RHBDD1: variants seen among roughly 807,000 people sequenced by gnomAD.
RHBDD1 encodes the protein rhomboid-related protein 4.
RHBDD1 carries 38 observed loss-of-function variants against 36.3 expected under a neutral mutation model. The ratio of observed to expected loss-of-function variants is 1.05; its 90% CI spans 0.81 to 1.37. The LOEUF is 1.37. Among genes scored for constraint, RHBDD1 ranks in the 40% most tolerant of loss-of-function variants. The pLI is 0.00. For synonymous variants in RHBDD1, 151 were observed against 136.5 expected (o/e 1.11, Z -0.74); for missense variants, 393 against 377.6 (o/e 1.04, Z -0.34).
At chr2:226,965,346 T>C (rs1952540094) in intron 8 of RHBDD1, among the ~76,000 whole-genome samples, 1 of 152,208 alleles carries the variant, frequency 6.6e-6, no homozygotes, top group South Asian at 2.1e-4. Context: ...GACTTCTGGC[T>C]TCCCAAATTG....
chr2:226,852,901 T>TTTATTATTATTA lies in RHBDD1; in HGVS notation c.-90-11667_-90-11656dup, dbSNP rs34006366. On this transcript the variant is annotated intron_variant, in intron 3 of 8. Transcript: ENST00000392062. The stretch of plus-strand genomic sequence containing the variant: ...GGTGTGTGCCACTGCACCTGGCTAA[T>TTTATTATTATTA]TTATTATTATTATTATTATTATTAT... Among the ~76,000 whole-genome samples the TTTATTATTATTA allele has an allele frequency of 5.1e-3, 644 of 125,176 alleles. 2 individuals carry two copies. The highest frequency in any genetic ancestry group is 7.4e-3 in the South Asian group (29 of 3,938). 82.1% of individuals were successfully genotyped at this position (125,176 alleles called of 152,430 possible).
rs146618398 is a variant in RHBDD1 at position 226,855,348 on chromosome 2, A to G, written c.-90-9256A>G. The stretch of plus-strand genomic sequence containing the variant: ...CACAGCAAGACCCCATCTCTACAAA[A>G]AATAAAAAACTAGCTGGGTGTGGTG... On this transcript the variant is annotated intron_variant, in intron 3 of 8. Transcript: ENST00000392062. Among the ~76,000 whole-genome samples, 309 of 152,322 alleles carry G rather than the reference A, an allele frequency of 2.0e-3. 3 individuals carry two copies. Among genetic ancestry groups the G allele is most frequent in the Middle Eastern group, 0.014 (4 of 294 alleles).
intron 8 of RHBDD1, among the ~76,000 whole-genome samples, chr2:226,916,551 TAAAGTC>T (rs761271231): frequency 1.1e-3 from 168 of 152,256 alleles, no homozygotes; most frequent in Non-Finnish European, 1.4e-3. Flanking sequence ...TGACTTCAAA[TAAAGTC>T]AAAAGAGCCA....
At chr2:226,966,658 G>T (rs1952654190) in intron 8 of RHBDD1, among the ~76,000 whole-genome samples, 1 of 152,134 alleles carries the variant, frequency 6.6e-6, no homozygotes, top group South Asian at 2.1e-4. Flanking sequence ...ATGTGTGCCT[G>T]GTGGCCATTG....
chr2:226,975,674 G>A (rs1341599488), intron 8 of RHBDD1, among the ~76,000 whole-genome samples: 1 of 152,142 alleles, frequency 6.6e-6, no homozygotes, highest in African/African-American at 2.4e-5. Flanking sequence ...CATGCAGAAG[G>A]AACTCATTAA....
intron 5 of RHBDD1, among the ~76,000 whole-genome samples, chr2:226,888,892 A>G (rs1177672014): frequency 1.3e-5 from 2 of 152,224 alleles, no homozygotes; most frequent in Non-Finnish European, 2.9e-5. Flanking sequence ...GGAATTAAAC[A>G]ACTTCCATGG....
intron 5 of RHBDD1, among the ~76,000 whole-genome samples, chr2:226,874,148 C>G (rs1945024501): frequency 6.6e-6 from 1 of 152,078 alleles, no homozygotes. Context: ...CCAGGACCCC[C>G]CTTGACACAT....
intron 5 of RHBDD1, among the ~76,000 whole-genome samples, chr2:226,905,920 G>A (rs1328145808): frequency 2.0e-5 from 3 of 152,014 alleles, no homozygotes; most frequent in African/African-American, 7.3e-5. Flanking sequence ...AGAGGGTGGC[G>A]GGCAGCTGGA....
intron 4 of RHBDD1, among the ~76,000 whole-genome samples, chr2:226,866,679 A>G (rs1379452812): frequency 6.6e-6 from 1 of 152,230 alleles, no homozygotes; most frequent in Non-Finnish European, 1.5e-5. Context: ...GGAGAGAGGT[A>G]GTCCTGAAAC....
intron 1 of RHBDD1, among the ~76,000 whole-genome samples, chr2:226,837,343 G>C (rs551767916): frequency 4.4e-4 from 67 of 152,308 alleles, no homozygotes; most frequent in African/African-American, 1.5e-3. Flanking sequence ...TGTAGCGCAT[G>C]GATATTGGGA....
chr2:226,809,265 T>C, the RHBDD1 span, among the ~76,000 whole-genome samples: 1 of 152,216 alleles, frequency 6.6e-6, no homozygotes, highest in East Asian at 1.9e-4. Flanking sequence ...AGTGAACAAC[T>C]GAGTCAATTG....
chr2:226,844,802 T>C (rs1486945309), intron 3 of RHBDD1, among the ~76,000 whole-genome samples: 1 of 152,222 alleles, frequency 6.6e-6, no homozygotes, highest in African/African-American at 2.4e-5. Flanking sequence ...GAAACTGGCT[T>C]ATGATTGATA....
chr2:226,818,134 T>C, the RHBDD1 span, among the ~76,000 whole-genome samples: 7 of 151,900 alleles, frequency 4.6e-5, no homozygotes, highest in African/African-American at 1.7e-4. Context: ...CTATAGTCTT[T>C]TAAGTGGTCC....
In RHBDD1 at chr2:226,885,099, GTTTTC is replaced by G. The variant is rs752814256; in HGVS notation, c.566+17788_566+17792del. ...ACATAAAAGCTTTAGTTTTGTTTGT[GTTTTC>G]TTTTCTGTATAACACTAGGTAACCA... On this transcript the variant is annotated intron_variant, in intron 5 of 8. Coordinates refer to ENST00000392062, the MANE Select transcript of RHBDD1 (RefSeq NM_001167608.3). Among the ~76,000 whole-genome samples the G allele has an allele frequency of 5.3e-5, 8 of 152,104 alleles. No homozygotes were observed. The South Asian group carries it at 1.0e-3, about 20-fold the overall frequency.
chr2:226,903,749 T>C (rs1947792996), intron 5 of RHBDD1, among the ~76,000 whole-genome samples: 1 of 152,090 alleles, frequency 6.6e-6, no homozygotes, highest in Admixed American at 6.5e-5. Flanking sequence ...GGCATTCCTG[T>C]TTTTGCATCC....
rs114096362 is a variant in RHBDD1 at position 226,931,234 on chromosome 2, C to T, written c.856+16883C>T. On this transcript the variant is annotated intron_variant, in intron 8 of 8. Transcript: ENST00000392062. ...AGCATAGTTAACAGTTGCAAAGATA[C>T]GGAAACAAGTGTCCATCAACCAATG... Among the ~76,000 whole-genome samples, 619 of 151,968 alleles carry T rather than the reference C, an allele frequency of 4.1e-3. 4 individuals carry two copies. The highest frequency in any genetic ancestry group is 0.024 in the South Asian group (117 of 4,820).
intron 8 of RHBDD1, among the ~76,000 whole-genome samples, chr2:226,963,569 C>T (rs1952388701): frequency 6.6e-6 from 1 of 152,072 alleles, no homozygotes; most frequent in African/African-American, 2.4e-5. Flanking sequence ...TCATTGATTC[C>T]TTACTTTGTG....
intron 5 of RHBDD1, among the ~76,000 whole-genome samples, chr2:226,888,869 A>C (rs147077946): frequency 1.3e-5 from 2 of 152,304 alleles, no homozygotes; most frequent in Non-Finnish European, 2.9e-5. Flanking sequence ...CTGGTCTGAG[A>C]ATCTGCACGT....
Position 226,856,317 on chromosome 2 carries a change from G to A in RHBDD1, c.-90-8287G>A, listed in dbSNP as rs543980558. Among the ~76,000 whole-genome samples, 65 of 152,088 alleles carry A rather than the reference G, an allele frequency of 4.3e-4. 1 individual carries two copies. Among genetic ancestry groups the A allele is most frequent in the South Asian group, 1.5e-3 (7 of 4,822 alleles). ...TTGCGAGTATTCAGTTAATAAATTC[G>A]TGTTTTTCACTAAATGCAAATATAT... On this transcript the variant is annotated intron_variant, in intron 3 of 8. Transcript: ENST00000392062.
Sources: gnomAD v4.1 joint callset for allele counts (sites outside exome capture counted in the v4.1 genomes callset) on GRCh38, gnomAD v4.1.1 for gene constraint, MANE v1.5 for transcripts, NCBI Gene and HGNC (gene_info 2026-07-23, HGNC 2026-07-21) for gene names.